TBL1XR1: variants seen among roughly 807,000 people sequenced by gnomAD.
The protein encoded by TBL1XR1 is TBL1X/Y related 1, also known as F-box-like/WD repeat-containing protein TBL1XR1.
TBL1XR1 carries 5 observed loss-of-function variants against 66.9 expected under a neutral mutation model. The ratio of observed to expected loss-of-function variants is 0.07; its 90% confidence interval spans 0.04 to 0.16. The LOEUF (loss-of-function observed/expected upper bound fraction) is 0.16. TBL1XR1 is among the 10% of genes least tolerant of loss of function. TBL1XR1 has a pLI of 1.00. For missense variants in TBL1XR1, 238 were observed against 623.2 expected (o/e 0.38, Z 6.58); for synonymous variants, 210 against 206.0 (o/e 1.02, Z -0.17).
In TBL1XR1 at chr3:177,197,315, G is replaced by C. The variant is rs1736995718; in HGVS notation, c.-316C>G. On this transcript the variant is annotated 5_prime_UTR_variant, in exon 1 of 16. Coordinates refer to ENST00000457928, the MANE Select transcript of TBL1XR1 (RefSeq NM_024665.7). ...CGGGCGGGCGGGGGCGGGGAGCGCG[G>C]CGCGGGTCCCCAGGTGGCGAGCGGA... The C allele has an allele frequency of 6.8e-6, 1 of 147,842 alleles. No homozygotes were observed. The highest frequency in any genetic ancestry group is 2.5e-5 in the African/African-American group (1 of 40,564). 9.2% of individuals were successfully genotyped at this position (147,842 alleles called of 1,614,324 possible).
At position 177,051,981 on chromosome 3, in the gene TBL1XR1, G is replaced by T. The variant is rs562537178; in HGVS notation, c.205-255C>A. On this transcript the variant is annotated intron_variant, in intron 4 of 15. Coordinates refer to ENST00000457928, the MANE Select transcript of TBL1XR1 (RefSeq NM_024665.7). The stretch of plus-strand genomic sequence containing the variant: ...AGAGCTGTACAGATAGAGCTGAAAT[G>T]AAAGAGATAATAAGATGTAGGCCGA... 1.2e-3 allele frequency among the ~76,000 whole-genome samples: 185 copies of T among 152,252 alleles called. 2 individuals carry two copies. Among genetic ancestry groups the T allele is most frequent in the Non-Finnish European group, 2.4e-3 (164 of 68,018 alleles).
rs1406791485 is a variant in TBL1XR1 at position 177,143,789 on chromosome 3, CT to C, written c.-121-45249del. On this transcript the variant is annotated intron_variant, in intron 1 of 15. Coordinates refer to ENST00000457928, the MANE Select transcript of TBL1XR1 (RefSeq NM_024665.7). Reference sequence around the variant, plus strand: ...ATGGGTCTCTGATAGTTCATTCAGGCTCTAACAGAATTAAATTATCAACTGT... The same window carrying C: ...ATGGGTCTCTGATAGTTCATTCAGGCCTAACAGAATTAAATTATCAACTGT... Among the ~76,000 whole-genome samples, 122 of 152,282 alleles carry C rather than the reference CT, an allele frequency of 8.0e-4. No homozygotes were observed. In the South Asian group the frequency reaches 0.023, roughly 29 times the overall value.
intron 7 of TBL1XR1, 52 bp downstream of exon 7, chr3:177,049,945 G>C (rs1427593381): frequency 1.3e-6 from 2 of 1,586,338 alleles, no homozygotes; most frequent in Non-Finnish European, 1.7e-6. Context: ...ATGAGGCTCT[G>C]AGGGTTAGGT....
chr3:177,179,972 G>A (rs777459524), intron 1 of TBL1XR1, among the ~76,000 whole-genome samples: 2 of 152,120 alleles, frequency 1.3e-5, no homozygotes, highest in Non-Finnish European at 2.9e-5. Context: ...GGGTGCAGTC[G>A]CTCATGCCTG....
rs185860256 is a variant in TBL1XR1, at chr3:177,096,420, T to A, written c.-46+2046A>T. ...TTTCAACAAAACTGACAAACATGTTTGGGATGATCTAATTTAAAATATAGT... is the reference window on the plus strand; with the variant it reads ...TTTCAACAAAACTGACAAACATGTTAGGGATGATCTAATTTAAAATATAGT... On this transcript the variant is annotated intron_variant, in intron 2 of 15. Coordinates refer to ENST00000457928, the MANE Select transcript of TBL1XR1 (RefSeq NM_024665.7). Among the ~76,000 whole-genome samples, 48 of 152,162 alleles carry A rather than the reference T, an allele frequency of 3.2e-4. No individual in the cohort carries two copies. In the East Asian group the frequency reaches 4.6e-3, roughly 15 times the overall value.
At chr3:177,064,646 C>A (rs1392547876) in intron 3 of TBL1XR1, among the ~76,000 whole-genome samples, 2 of 152,176 alleles carry the variant, frequency 1.3e-5, no homozygotes, top group Non-Finnish European at 2.9e-5. Flanking sequence ...GTTCCTACTA[C>A]ATATGCAATA....
intron 2 of TBL1XR1, among the ~76,000 whole-genome samples, chr3:177,068,031 G>T (rs1337238532): frequency 6.6e-6 from 1 of 152,162 alleles, no homozygotes; most frequent in East Asian, 1.9e-4. Context: ...ACAGCACTGA[G>T]ACACTCATCC....
At chr3:177,115,626 T>A (rs74840786) in intron 1 of TBL1XR1, among the ~76,000 whole-genome samples, 2 of 152,110 alleles carry the variant, frequency 1.3e-5, no homozygotes, top group African/African-American at 4.8e-5. Context: ...TTCCACTCTT[T>A]CCCCGCAACT....
Position 177,030,833 on chromosome 3 carries a change from C to T in TBL1XR1, c.1416+2138G>A, listed in dbSNP as rs368019290. ...TTTAAAAAGTTTAGTTGGGTGAGGCCGGGCATGGTGGCTCACACCTGTAAT... is the reference window on the plus strand; with the variant it reads ...TTTAAAAAGTTTAGTTGGGTGAGGCTGGGCATGGTGGCTCACACCTGTAAT... On this transcript the variant is annotated intron_variant, in intron 14 of 15. Coordinates refer to ENST00000457928, the MANE Select transcript of TBL1XR1 (RefSeq NM_024665.7). Among the ~76,000 whole-genome samples the T allele has an allele frequency of 4.4e-4, 67 of 152,126 alleles. 1 individual carries two copies. The highest frequency in any genetic ancestry group is 1.5e-3 in the African/African-American group (62 of 41,496).
At chr3:177,083,737 A>C (rs1721742512) in intron 2 of TBL1XR1, among the ~76,000 whole-genome samples, 1 of 152,176 alleles carries the variant, frequency 6.6e-6, no homozygotes. Flanking sequence ...TACTTCTGTA[A>C]ATACTGCAAC....
At chr3:177,153,217 T>G (rs1731102451) in intron 1 of TBL1XR1, among the ~76,000 whole-genome samples, 1 of 151,770 alleles carries the variant, frequency 6.6e-6, no homozygotes, top group African/African-American at 2.4e-5. Context: ...TCCTTGAAAA[T>G]GAAGGGGGAA....
At chr3:177,059,818 C>T (rs1314623180) in intron 3 of TBL1XR1, among the ~76,000 whole-genome samples, 1 of 152,112 alleles carries the variant, frequency 6.6e-6, no homozygotes, top group Non-Finnish European at 1.5e-5. Flanking sequence ...AGAGGTAGAT[C>T]CACCCTCAAT....
chr3:177,049,987 T>C lies in TBL1XR1; in HGVS notation c.702+10A>G. 2 of 1,612,926 alleles carry C rather than the reference T, an allele frequency of 1.2e-6. No individual in the cohort carries two copies. The highest frequency in any genetic ancestry group is 1.7e-6 in the Non-Finnish European group (2 of 1,179,526). ...GTAATTATATCCATCATGGATATAGTGATACTCACATTCCAATCTAGAGAT... is the reference window on the plus strand; with the variant it reads ...GTAATTATATCCATCATGGATATAGCGATACTCACATTCCAATCTAGAGAT... On this transcript the variant is annotated intron_variant, in intron 7 of 15. Transcript: ENST00000457928.
intron 12 of TBL1XR1, among the ~76,000 whole-genome samples, chr3:177,036,975 CT>C (rs1714881696): frequency 1.3e-5 from 2 of 152,230 alleles, no homozygotes; most frequent in Admixed American, 6.5e-5. Context: ...TCTCCAAATG[CT>C]TTTTTCCCCA....
intron 1 of TBL1XR1, among the ~76,000 whole-genome samples, chr3:177,187,943 C>CTTTTTTTT (rs571361204): frequency 3.2e-4 from 25 of 77,838 alleles, no homozygotes; most frequent in African/African-American, 1.3e-3. Context: ...GTACAATTTC[C>CTTTTTTTT]TTTTTTTTTT....
At chr3:177,048,043 CA>C (rs1245692872) in intron 7 of TBL1XR1, 3 of 152,768 alleles carry the variant, frequency 2.0e-5, no homozygotes, top group African/African-American at 7.2e-5. Flanking sequence ...TTCGAATGAT[CA>C]GATTCTTAAA....
At chr3:177,138,244 ATGCTGAT>A (rs776258981) in intron 1 of TBL1XR1, among the ~76,000 whole-genome samples, 4 of 152,208 alleles carry the variant, frequency 2.6e-5, no homozygotes, top group Non-Finnish European at 5.9e-5. Flanking sequence ...GTGAACAGAG[ATGCTGAT>A]TGGTGGCAGC....
chr3:177,165,494 T>C (rs991663582), intron 1 of TBL1XR1, among the ~76,000 whole-genome samples: 2 of 152,172 alleles, frequency 1.3e-5, no homozygotes, highest in African/African-American at 4.8e-5. Flanking sequence ...AACTTAAGTC[T>C]TAAGTTTATA....
rs1313515730 is a variant in TBL1XR1, at chr3:177,020,674, CCTCT to C, written c.*4820_*4823del. 1 of 152,052 alleles carries C rather than the reference CCTCT, an allele frequency of 6.6e-6. No individual in the cohort carries two copies. The highest frequency in any genetic ancestry group is 2.4e-5 in the African/African-American group (1 of 41,418). The allele number at this position is 152,052 out of a possible 1,614,324, so 9.4% of individuals were successfully genotyped here. A position where few individuals can be genotyped will look rare whatever the true frequency, so the allele number is the denominator to read the frequency against. Reference sequence around the variant, plus strand: ...CAAACTGTAAACAAGAAATACCATCCCTCTCTCTTTACCTGACTAGTAAATAGTC... The same window carrying C: ...CAAACTGTAAACAAGAAATACCATCCCTCTTTACCTGACTAGTAAATAGTC... On this transcript the variant is annotated 3_prime_UTR_variant, in exon 16 of 16. Transcript: ENST00000457928.
Sources: allele counts gnomAD v4.1 joint callset (sites outside exome capture counted in the v4.1 genomes callset), GRCh38; gene constraint gnomAD v4.1.1; transcripts MANE v1.5; gene names NCBI Gene and HGNC (gene_info 2026-07-23, HGNC 2026-07-21).